The following NGB variants were observed in gnomAD, a reference collection of about 807,000 sequenced individuals.
The protein encoded by NGB is neuroglobin.
NGB carries 12 observed loss-of-function variants against 17.3 expected under a neutral mutation model. The ratio of observed to expected loss-of-function variants is 0.69; its 90% CI spans 0.45 to 1.13. The LOEUF (loss-of-function observed/expected upper bound fraction) is 1.13, where lower values mean the gene tolerates loss of function less well. NGB is among the 50% of genes most tolerant of loss of function. The pLI, the probability that NGB is intolerant of heterozygous loss-of-function variation, is 0.00. For missense variants in NGB, 195 were observed against 191.7 expected (o/e 1.02, Z -0.10); for synonymous variants, 87 against 81.0 (o/e 1.07, Z -0.40).
At chr14:77,270,014 G>A (rs1186605668) in intron 1 of NGB, among the ~76,000 whole-genome samples, 1 of 151,876 alleles carries the variant, frequency 6.6e-6, no homozygotes, top group Non-Finnish European at 1.5e-5. Flanking sequence ...GAGCTGGGGG[G>A]AGTCCGGAGG....
chr14:77,266,405 C>T lies in NGB; in HGVS notation c.*131G>A. The T allele has an allele frequency of 7.8e-7, 1 of 1,275,096 alleles. No homozygotes were observed. Among genetic ancestry groups the T allele is most frequent in the Non-Finnish European group, 1.1e-6 (1 of 879,904 alleles). The allele number at this position is 1,275,096 out of a possible 1,614,324, so 79.0% of individuals were successfully genotyped here. A position where few individuals can be genotyped will look rare whatever the true frequency, so the allele number is the denominator to read the frequency against. On this transcript the variant is annotated 3_prime_UTR_variant, in exon 4 of 4. Coordinates refer to ENST00000298352, the MANE Select transcript of NGB (RefSeq NM_021257.4). ...CTAGGATACTGAGACCCAGCCCTGC[C>T]CCATCACCTCTCCAGTGTGGCCAAG... is the stretch of plus-strand genomic sequence containing the variant.
chr14:77,267,577 A>T (rs1889691395), intron 3 of NGB, among the ~76,000 whole-genome samples: 1 of 152,108 alleles, frequency 6.6e-6, no homozygotes, highest in Non-Finnish European at 1.5e-5. Flanking sequence ...AAATAAAGAT[A>T]ATGGCTCTCA....
At chr14:77,266,711 A>C in intron 3 of NGB, 41 bp from the exon 4 acceptor site, 1 of 1,606,092 alleles carries the variant, frequency 6.2e-7, no homozygotes, top group Non-Finnish European at 8.5e-7. Flanking sequence ...CAAAGGCAGA[A>C]AGGCACTGCT....
Position 77,266,460 on chromosome 14 carries a change from G to T in NGB, c.*76C>A. ...CAAGGACCAAGATGCAGGGAAGCTT[G>T]GGGAGCCTGGGCTACAACAGATACA... On this transcript the variant is annotated 3_prime_UTR_variant, in exon 4 of 4. Coordinates refer to ENST00000298352, the MANE Select transcript of NGB (RefSeq NM_021257.4). 6.4e-7 allele frequency: 1 copy of T among 1,564,116 alleles called. No individual in the cohort carries two copies. The highest frequency in any genetic ancestry group is 1.2e-5 in the South Asian group (1 of 84,076).
intron 2 of NGB, 50 bp downstream of exon 2, chr14:77,269,165 A>T: frequency 1.7e-6 from 2 of 1,156,180 alleles, no homozygotes; most frequent in Non-Finnish European, 2.5e-6. Context: ...TCCACCAGGG[A>T]GGTGCTCTGC....
chr14:77,268,539 G>C lies in NGB; in HGVS notation c.248C>G (p.Ser83Cys). 1 of 1,613,890 alleles carries C rather than the reference G, an allele frequency of 6.2e-7. No individual in the cohort carries two copies. Among genetic ancestry groups the C allele is most frequent in the Non-Finnish European group, 8.5e-7 (1 of 1,180,004 alleles). ...GCTGGCAAGGTACTCCTCCAGTGAG[G>C]ACAGGTCTTCCACATTGGTCACTGC... ...DAAVTNVEDL[S>C]SLEEYLASLG... Residue 83 changes from serine (S) to cysteine (C), a missense_variant, in exon 3 of 4, where the codon TCC becomes TGC. Transcript: ENST00000298352.
intron 2 of NGB, 130 bp from the exon 3 acceptor site, chr14:77,268,715 G>A: frequency 7.9e-7 from 1 of 1,270,554 alleles, no homozygotes; most frequent in Non-Finnish European, 1.1e-6. Context: ...AAGATCAGGG[G>A]TCAAAGGCAG....
At chr14:77,269,386 G>A (rs1223126133) in intron 1 of NGB, 60 bp from the exon 2 acceptor site, 4 of 1,215,294 alleles carry the variant, frequency 3.3e-6, no homozygotes, top group Non-Finnish European at 4.7e-6. Flanking sequence ...GCCCCAGCAA[G>A]CCTGGCTGTC....
At position 77,270,880 on chromosome 14, in the gene NGB, G is replaced by A; in HGVS notation, c.58C>T (p.Pro20Ser). 1 of 1,586,290 alleles carries A rather than the reference G, an allele frequency of 6.3e-7. No individual in the cohort carries two copies. Among genetic ancestry groups the A allele is most frequent in the Non-Finnish European group, 8.5e-7 (1 of 1,172,796 alleles). ...RQSWRAVSRS[P>S]LEHGTVLFAR... ...AACAGGACGGTGCCGTGCTCCAGCG[G>A]GCTGCGGCTCACTGCCCGCCAGCTC... The change falls in exon 1 of 4, where the codon CCG becomes TCG. Residue 20 changes from proline to serine, a missense_variant. Pro to Ser is a moderately conservative substitution (Grantham distance 74). Transcript: ENST00000298352.
In NGB at chr14:77,268,455, C is replaced by G; in HGVS notation, c.321+11G>C. On this transcript the variant is annotated intron_variant, in intron 3 of 3. Coordinates refer to ENST00000298352, the MANE Select transcript of NGB (RefSeq NM_021257.4). ...AGGAGCTCTGGAGAGAGTCAGAGCTCCTTTACCCACCGAGAAGGAGCTGAG... is the reference window on the plus strand; with the variant it reads ...AGGAGCTCTGGAGAGAGTCAGAGCTGCTTTACCCACCGAGAAGGAGCTGAG... 6.2e-7 allele frequency: 1 copy of G among 1,609,630 alleles called. No individual in the cohort carries two copies. Among genetic ancestry groups the G allele is most frequent in the Non-Finnish European group, 8.5e-7 (1 of 1,179,638 alleles).
At chr14:77,269,711 TCTCTCTC>T (rs1566637460) in intron 1 of NGB, among the ~76,000 whole-genome samples, 4 of 1,638 alleles carry the variant, frequency 2.4e-3, no homozygotes, top group African/African-American at 7.5e-3. Context: ...TCTCTCTCTC[TCTCTCTC>T]TCTCTCTCTT....
rs1024552474 is a variant in NGB, at chr14:77,268,489, C to A, written c.298G>T (p.Gly100Cys). Residue 100 changes from glycine to cysteine, a missense_variant, in exon 3 of 4, where the codon GGT (glycine) becomes TGT (cysteine). Physicochemically the swap from Gly to Cys is radical, Grantham distance 159 (BLOSUM62 -3). Transcript: ENST00000298352. ...ASLGRKHRAV[G>C]VKLSSFSTVG... is the part of the protein sequence containing the mutation. Reference sequence around the variant, plus strand: ...ACCGAGAAGGAGCTGAGCTTCACACCCACTGCCCGGTGCTTCCTGCCCAGG... The same window carrying A: ...ACCGAGAAGGAGCTGAGCTTCACACACACTGCCCGGTGCTTCCTGCCCAGG... 2 of 1,613,280 alleles carry A rather than the reference C, an allele frequency of 1.2e-6. No homozygotes were observed. Among genetic ancestry groups the A allele is most frequent in the Non-Finnish European group, 1.7e-6 (2 of 1,180,000 alleles).
At position 77,271,036 on chromosome 14, in the gene NGB, G is replaced by T; in HGVS notation, c.-99C>A. 2.3e-6 allele frequency: 2 copies of T among 865,692 alleles called. No individual in the cohort carries two copies. Among genetic ancestry groups the T allele is most frequent in the Non-Finnish European group, 3.3e-6 (2 of 602,508 alleles). The allele number at this position is 865,692 out of a possible 1,614,324, so 53.6% of individuals were successfully genotyped here. A position where few individuals can be genotyped will look rare whatever the true frequency, so the allele number is the denominator to read the frequency against. On this transcript the variant is annotated 5_prime_UTR_variant, in exon 1 of 4. Coordinates refer to ENST00000298352, the MANE Select transcript of NGB (RefSeq NM_021257.4). ...TCTCCTCCGCGACGCGGTCCCCTCC[G>T]CCCCTCGTACGCCCCCCGTGCCTCC... is the stretch of plus-strand genomic sequence containing the variant.
At chr14:77,270,413 C>A (rs1263296950) in intron 1 of NGB, among the ~76,000 whole-genome samples, 1 of 152,232 alleles carries the variant, frequency 6.6e-6, no homozygotes, top group Non-Finnish European at 1.5e-5. Flanking sequence ...GGCGCAGGAG[C>A]TCGCCCCACA....
intron 2 of NGB, 132 bp from the exon 3 acceptor site, chr14:77,268,717 C>T: frequency 8.0e-7 from 1 of 1,247,298 alleles, no homozygotes; most frequent in Non-Finnish European, 1.1e-6. Context: ...GATCAGGGGT[C>T]AAAGGCAGCC....
chr14:77,267,517 G>C (rs1451626413), intron 3 of NGB, among the ~76,000 whole-genome samples: 15 of 152,160 alleles, frequency 9.9e-5, no homozygotes, highest in Non-Finnish European at 2.9e-5. Flanking sequence ...CTCCAGCCTA[G>C]GCGACAGAGC....
At position 77,271,159 on chromosome 14, in the gene NGB, C is replaced by T; in HGVS notation, c.-222G>A. The T allele has an allele frequency of 2.3e-6, 1 of 435,114 alleles. No homozygotes were observed. The highest frequency in any genetic ancestry group is 4.1e-6 in the Non-Finnish European group (1 of 245,938). The allele number at this position is 435,114 out of a possible 1,614,324, so 27.0% of individuals were successfully genotyped here. On this transcript the variant is annotated 5_prime_UTR_variant, in exon 1 of 4. Transcript: ENST00000298352. ...ACACCCCAGCTGTGCTTCCGGGGAC[C>T]CCGCTTGGCCGCTGCGCCCTGCGCC...
At position 77,266,310 on chromosome 14, in the gene NGB, G is replaced by T. The variant is rs771674624; in HGVS notation, c.*226C>A. Reference sequence around the variant, plus strand: ...AGGTAAAAAGAAACGCAAGAAAGAGGCTACTGGGGATGAGGGGACACCCAG... The same window carrying T: ...AGGTAAAAAGAAACGCAAGAAAGAGTCTACTGGGGATGAGGGGACACCCAG... On this transcript the variant is annotated 3_prime_UTR_variant, in exon 4 of 4. Transcript: ENST00000298352. 1 of 773,006 alleles carries T rather than the reference G, an allele frequency of 1.3e-6. No homozygotes were observed. The highest frequency in any genetic ancestry group is 2.4e-6 in the Non-Finnish European group (1 of 415,006). 47.9% of individuals were successfully genotyped at this position (773,006 alleles called of 1,614,324 possible). A position where few individuals can be genotyped will look rare whatever the true frequency, so the allele number is the denominator to read the frequency against.
chr14:77,269,261 G>A lies in NGB; in HGVS notation c.155C>T (p.Pro52Leu), dbSNP rs971877882. Residue 52 changes from proline (P) to leucine (L), a missense_variant, in exon 2 of 4, where the codon CCA becomes CTA. Coordinates refer to ENST00000298352, the MANE Select transcript of NGB (RefSeq NM_021257.4). ...FQYNCRQFSS[P>L]EDCLSSPEFL... Reference sequence around the variant, plus strand: ...CTCAGGCGAGGAGAGACAGTCCTCTGGGCTGGAGAACTGGCGGCAGTTGTA... The same window carrying A: ...CTCAGGCGAGGAGAGACAGTCCTCTAGGCTGGAGAACTGGCGGCAGTTGTA... 14 of 1,551,874 alleles carry A rather than the reference G, an allele frequency of 9.0e-6. No individual in the cohort carries two copies. The highest frequency in any genetic ancestry group is 1.2e-5 in the South Asian group (1 of 84,066).
Sources: allele counts gnomAD v4.1 joint callset (sites outside exome capture counted in the v4.1 genomes callset), GRCh38; gene constraint gnomAD v4.1.1; transcripts MANE v1.5; gene names NCBI Gene and HGNC (gene_info 2026-07-23, HGNC 2026-07-21).